The following SLC35E3 variants were observed in gnomAD, a reference collection of about 807,000 sequenced individuals.
SLC35E3 encodes the protein bladder cancer-overexpressed gene 1 protein.
Under a neutral mutation model 30.8 loss-of-function variants are expected in SLC35E3, and 28 were observed. The observed-to-expected ratio is 0.91, with a 90% CI of 0.67 to 1.25. The LOEUF (loss-of-function observed/expected upper bound fraction) is 1.25, where lower values mean the gene tolerates loss of function less well. Ranked by LOEUF, SLC35E3 falls within the 50% of genes most tolerant of loss-of-function variation. SLC35E3 has a pLI of 0.00. For missense variants in SLC35E3, 365 were observed against 375.4 expected (o/e 0.97, Z 0.23); for synonymous variants, 146 against 149.2 (o/e 0.98, Z 0.16).
At position 68,769,610 on chromosome 12, in the gene SLC35E3, G is replaced by T. The variant is rs1021689547; in HGVS notation, c.*4720G>T. 4 of 152,188 alleles carry T rather than the reference G, an allele frequency of 2.6e-5. No individual in the cohort carries two copies. Among genetic ancestry groups the T allele is most frequent in the Admixed American group, 2.6e-4 (4 of 15,264 alleles). The allele number at this position is 152,188 out of a possible 1,614,324, so 9.4% of individuals were successfully genotyped here. A position where few individuals can be genotyped will look rare whatever the true frequency, so the allele number is the denominator to read the frequency against. ...GGAGGCGGAGGTTTCAGTGAGCCAA[G>T]ATCATGCCATTGCACTGCAGCCTGG... On this transcript the variant is annotated 3_prime_UTR_variant, in exon 5 of 5. Transcript: ENST00000398004.
At chr12:68,748,178 C>A in intron 2 of SLC35E3, 138 bp downstream of exon 2, 1 of 571,874 alleles carries the variant, frequency 1.7e-6, no homozygotes. Flanking sequence ...TTGTCTGACT[C>A]AAGGTGAAGA....
chr12:68,755,698 A>G (rs10878865), intron 3 of SLC35E3, among the ~76,000 whole-genome samples: 33,266 of 151,990 alleles, frequency 0.22, 4,261 homozygotes, highest in Middle Eastern at 0.3. Context: ...AGAGGGAGCA[A>G]GAGAGAGAGG....
rs151333236 is a variant in SLC35E3, at chr12:68,757,174, A to G, written c.673-1983A>G. 6.8e-3 allele frequency among the ~76,000 whole-genome samples: 1,033 copies of G among 152,338 alleles called. 13 individuals are homozygous for G. Among genetic ancestry groups the G allele is most frequent in the African/African-American group, 0.024 (981 of 41,572 alleles). On this transcript the variant is annotated intron_variant, in intron 3 of 4. Transcript: ENST00000398004. ...CGTCTATGACAGACCCTCAGCCAAC[A>G]TAATACTGAATGGGGAAAAGTTGAA...
chr12:68,749,653 G>A (rs111532648), intron 2 of SLC35E3, among the ~76,000 whole-genome samples: 6 of 152,306 alleles, frequency 3.9e-5, no homozygotes, highest in African/African-American at 9.6e-5. Context: ...AAGAGGGGCG[G>A]TGAGGTAAGA....
intron 4 of SLC35E3, chr12:68,760,155 C>T (rs1434382855): frequency 6.6e-6 from 1 of 152,314 alleles, no homozygotes; most frequent in African/African-American, 2.4e-5. Context: ...GCCTGGGCAA[C>T]ATAGGGAGAA....
In SLC35E3 at chr12:68,774,993, C is replaced by G. The variant is rs904850685; in HGVS notation, c.*10103C>G. On this transcript the variant is annotated 3_prime_UTR_variant, in exon 5 of 5. Transcript: ENST00000398004. Reference sequence around the variant, plus strand: ...TCTTGTTCTAGATGAAAAGTAAACCCCTATTTGGCTTACTCACTTAAAAAA... The same window carrying G: ...TCTTGTTCTAGATGAAAAGTAAACCGCTATTTGGCTTACTCACTTAAAAAA... 7 of 151,538 alleles carry G rather than the reference C, an allele frequency of 4.6e-5. No homozygotes were observed. Among genetic ancestry groups the G allele is most frequent in the Admixed American group, 2.0e-4 (3 of 15,184 alleles). 9.4% of individuals were successfully genotyped at this position (151,538 alleles called of 1,614,324 possible).
At chr12:68,750,436 G>A (rs952699222) in intron 2 of SLC35E3, among the ~76,000 whole-genome samples, 1 of 152,214 alleles carries the variant, frequency 6.6e-6, no homozygotes, top group African/African-American at 2.4e-5. Context: ...AGGCAGTGAG[G>A]GAGGAGTACA....
At position 68,752,082 on chromosome 12, in the gene SLC35E3, G is replaced by C. The variant is rs773823487; in HGVS notation, c.564G>C (p.Leu188=). The change falls in exon 3 of 5, where the codon CTG becomes CTC. Residue 188 remains leucine (L), a synonymous_variant. Coordinates refer to ENST00000398004, the MANE Select transcript of SLC35E3 (RefSeq NM_018656.5). ...TACAAGTGAACTCAATGCAGCTGCT[G>C]TACTACCAGGCTCCGATGTCATCTG... is the stretch of plus-strand genomic sequence containing the variant. The part of the protein sequence containing the change: ...HELQVNSMQL[L]YYQAPMSSAM... 2 of 1,613,354 alleles carry C rather than the reference G, an allele frequency of 1.2e-6. No individual in the cohort carries two copies. Among genetic ancestry groups the C allele is most frequent in the Non-Finnish European group, 1.7e-6 (2 of 1,179,854 alleles).
At position 68,767,561 on chromosome 12, in the gene SLC35E3, T is replaced by C. The variant is rs1225185707; in HGVS notation, c.*2671T>C. The C allele has an allele frequency of 1.3e-5, 2 of 151,606 alleles. No individual in the cohort carries two copies. The highest frequency in any genetic ancestry group is 3.9e-4 in the East Asian group (2 of 5,162). The allele number at this position is 151,606 out of a possible 1,614,324, so 9.4% of individuals were successfully genotyped here. A position where few individuals can be genotyped will look rare whatever the true frequency, so the allele number is the denominator to read the frequency against. ...AAGGGAAGAGCGACAAAATATACCTTTTGATAAGACAGTAAATTTTATGTT... is the reference window on the plus strand; with the variant it reads ...AAGGGAAGAGCGACAAAATATACCTCTTGATAAGACAGTAAATTTTATGTT... On this transcript the variant is annotated 3_prime_UTR_variant, in exon 5 of 5. Transcript: ENST00000398004.
intron 4 of SLC35E3, among the ~76,000 whole-genome samples, chr12:68,763,570 G>T (rs1003752200): frequency 6.6e-6 from 1 of 152,126 alleles, no homozygotes; most frequent in African/African-American, 2.4e-5. Flanking sequence ...TGTACTATTA[G>T]TAGAGACAGG....
At chr12:68,746,897 C>T in intron 1 of SLC35E3, 118 bp downstream of exon 1, 2 of 1,130,244 alleles carry the variant, frequency 1.8e-6, no homozygotes, top group Non-Finnish European at 2.5e-6. Flanking sequence ...AATGAGTCAT[C>T]TGTGGGCATG....
In SLC35E3 at chr12:68,764,953, A is replaced by G. The variant is rs1051098397; in HGVS notation, c.*63A>G. 14 of 1,531,748 alleles carry G rather than the reference A, an allele frequency of 9.1e-6. No individual in the cohort carries two copies. The Admixed American group carries it at 1.0e-4, about 11-fold the overall frequency. 94.9% of individuals were successfully genotyped at this position (1,531,748 alleles called of 1,614,324 possible). Reference sequence around the variant, plus strand: ...GATAAAAAATATTGTTAAGTGTGCAAGTTATTAAAAAAAAAAAATTGGGCC... The same window carrying G: ...GATAAAAAATATTGTTAAGTGTGCAGGTTATTAAAAAAAAAAAATTGGGCC... On this transcript the variant is annotated 3_prime_UTR_variant, in exon 5 of 5. Coordinates refer to ENST00000398004, the MANE Select transcript of SLC35E3 (RefSeq NM_018656.5).
chr12:68,773,717 A>C lies in SLC35E3; in HGVS notation c.*8827A>C, dbSNP rs1399865114. The C allele has an allele frequency of 6.6e-6, 1 of 152,120 alleles. No individual in the cohort carries two copies. Among genetic ancestry groups the C allele is most frequent in the Non-Finnish European group, 1.5e-5 (1 of 68,028 alleles). The allele number at this position is 152,120 out of a possible 1,614,324, so 9.4% of individuals were successfully genotyped here. Reference sequence around the variant, plus strand: ...GCGCCTGGAGTTTAAAAGCAAGATTAACCTTTTTGGACTGGAGTTCTTAGA... The same window carrying C: ...GCGCCTGGAGTTTAAAAGCAAGATTCACCTTTTTGGACTGGAGTTCTTAGA... On this transcript the variant is annotated 3_prime_UTR_variant, in exon 5 of 5. Transcript: ENST00000398004.
In SLC35E3 at chr12:68,778,651, G is replaced by C. The variant is rs529469004; in HGVS notation, c.*13761G>C. On this transcript the variant is annotated 3_prime_UTR_variant, in exon 5 of 5. Coordinates refer to ENST00000398004, the MANE Select transcript of SLC35E3 (RefSeq NM_018656.5). ...CTAAAAATACAAAAATTAGCTGGGC[G>C]TAGTAGTGGGTGCCTATAATCCCAG... is the stretch of plus-strand genomic sequence containing the variant. The C allele has an allele frequency of 6.6e-6, 1 of 151,990 alleles. No homozygotes were observed. Among genetic ancestry groups the C allele is most frequent in the Admixed American group, 6.6e-5 (1 of 15,236 alleles). 9.4% of individuals were successfully genotyped at this position (151,990 alleles called of 1,614,324 possible). A position where few individuals can be genotyped will look rare whatever the true frequency, so the allele number is the denominator to read the frequency against.
At chr12:68,757,050 A>G (rs1879045194) in intron 3 of SLC35E3, among the ~76,000 whole-genome samples, 1 of 152,350 alleles carries the variant, frequency 6.6e-6, no homozygotes, top group East Asian at 1.9e-4. Flanking sequence ...TCATCTCAAT[A>G]GATGCAGAAA....
Position 68,746,313 on chromosome 12 carries a change from A to G in SLC35E3, c.-65A>G. ...CTGCGAGGACGCGGCGGTGGAGTAG[A>G]AGGGCAGCCGGAGACAGGCCCGGCG... On this transcript the variant is annotated 5_prime_UTR_variant, in exon 1 of 5. Coordinates refer to ENST00000398004, the MANE Select transcript of SLC35E3 (RefSeq NM_018656.5). 6.7e-7 allele frequency: 1 copy of G among 1,492,248 alleles called. No individual in the cohort carries two copies. The highest frequency in any genetic ancestry group is 1.3e-5 in the South Asian group (1 of 75,174). The allele number at this position is 1,492,248 out of a possible 1,614,324, so 92.4% of individuals were successfully genotyped here. A position where few individuals can be genotyped will look rare whatever the true frequency, so the allele number is the denominator to read the frequency against.
intron 2 of SLC35E3, 120 bp from the exon 3 acceptor site, chr12:68,751,912 C>T: frequency 2.3e-6 from 2 of 886,820 alleles, no homozygotes; most frequent in East Asian, 2.7e-5. Flanking sequence ...AATAATTAGA[C>T]ATTTTATCTT....
Position 68,778,232 on chromosome 12 carries a change from TCCA to T in SLC35E3, c.*13347_*13349del, listed in dbSNP as rs1879794765. 6.6e-6 allele frequency: 1 copy of T among 151,530 alleles called. No individual in the cohort carries two copies. The highest frequency in any genetic ancestry group is 2.1e-4 in the South Asian group (1 of 4,808). 9.4% of individuals were successfully genotyped at this position (151,530 alleles called of 1,614,324 possible). ...CAAGATTTTTTTTTTTAAAGAACAA[TCCA>T]CCACAAACATAGCAATCATGAACAA... On this transcript the variant is annotated 3_prime_UTR_variant, in exon 5 of 5. Coordinates refer to ENST00000398004, the MANE Select transcript of SLC35E3 (RefSeq NM_018656.5).
At chr12:68,764,064 G>A (rs1427450395) in intron 4 of SLC35E3, among the ~76,000 whole-genome samples, 2 of 152,130 alleles carry the variant, frequency 1.3e-5, no homozygotes, top group Admixed American at 1.3e-4. Context: ...CTTAACTCAA[G>A]TTAGCTCTTT....
Sources: allele counts gnomAD v4.1 joint callset (sites outside exome capture counted in the v4.1 genomes callset), GRCh38; gene constraint gnomAD v4.1.1; transcripts MANE v1.5; gene names NCBI Gene and HGNC (gene_info 2026-07-23, HGNC 2026-07-21).